The following POU6F2 variants were observed in gnomAD, a reference collection of about 807,000 sequenced individuals.
POU6F2 encodes the protein POU class 6 homeobox 2.
POU6F2 carries 31 observed loss-of-function variants against 71.3 expected under a neutral mutation model. That is an observed-to-expected ratio of 0.43 (90% CI 0.33 to 0.59). POU6F2 has a LOEUF of 0.59. Ranked by LOEUF, POU6F2 falls within the 20% of genes least tolerant of loss-of-function variation. POU6F2 has a pLI of 0.04. For missense variants in POU6F2, 783 were observed against 856.8 expected, an observed-to-expected ratio of 0.91 and a Z score of 1.07; for synonymous variants, 347 against 355.7, an observed-to-expected ratio of 0.98 and a Z score of 0.27.
At chr7:39,052,231 C>T (rs913750108) in intron 1 of POU6F2, among the ~76,000 whole-genome samples, 5 of 151,996 alleles carry the variant, frequency 3.3e-5, no homozygotes, top group South Asian at 2.1e-4. Context: ...GTAGATACTG[C>T]GACTGCAATA....
intron 1 of POU6F2, among the ~76,000 whole-genome samples, chr7:39,015,917 A>ATATATTGTATATTGATATATATTG (rs1789507874): frequency 2.2e-5 from 1 of 46,014 alleles, no homozygotes; most frequent in Non-Finnish European, 3.9e-5. Context: ...ATTATATATT[A>ATATATTGTATATTGATATATATTG]TATATAGATA....
At chr7:39,343,097 G>A (rs1785954436) in intron 5 of POU6F2, among the ~76,000 whole-genome samples, 1 of 152,198 alleles carries the variant, frequency 6.6e-6, no homozygotes, top group Non-Finnish European at 1.5e-5. Context: ...GGCTTGAGGA[G>A]AGAAGTTCTA....
chr7:39,298,834 G>T (rs1044548822), intron 4 of POU6F2, among the ~76,000 whole-genome samples: 1 of 152,164 alleles, frequency 6.6e-6, no homozygotes, highest in Non-Finnish European at 1.5e-5. Flanking sequence ...CATAAAAAAA[G>T]AATGAGATCA....
At chr7:39,121,182 T>G (rs981522515) in intron 2 of POU6F2, among the ~76,000 whole-genome samples, 1 of 152,328 alleles carries the variant, frequency 6.6e-6, no homozygotes, top group South Asian at 2.1e-4. Flanking sequence ...TTTTGACACA[T>G]GAATCTTAGT....
intron 4 of POU6F2, among the ~76,000 whole-genome samples, chr7:39,248,097 C>T (rs1198881303): frequency 2.0e-5 from 3 of 151,252 alleles, no homozygotes; most frequent in East Asian, 3.9e-4. Context: ...GTTCTCTTTT[C>T]CAGGAAAAAA....
At chr7:39,349,814 G>A (rs1404686152) in intron 5 of POU6F2, among the ~76,000 whole-genome samples, 1 of 152,112 alleles carries the variant, frequency 6.6e-6, no homozygotes, top group African/African-American at 2.4e-5. Context: ...GGGCATTCTG[G>A]CTGAAAACAC....
chr7:39,340,108 A>C (rs1785883438), intron 5 of POU6F2, 93 bp downstream of exon 5: 1 of 1,342,690 alleles, frequency 7.4e-7, no homozygotes, highest in Non-Finnish European at 1.0e-6. Flanking sequence ...ACCACACAAA[A>C]CTTAGCATCC....
At chr7:38,981,165 A>G (rs1788306102) in intron 1 of POU6F2, among the ~76,000 whole-genome samples, 1 of 152,220 alleles carries the variant, frequency 6.6e-6, no homozygotes, top group Non-Finnish European at 1.5e-5. Flanking sequence ...ATGATTTTCA[A>G]TTCAATTCAA....
chr7:39,204,554 C>T (rs1342603663), intron 3 of POU6F2, among the ~76,000 whole-genome samples: 1 of 128,968 alleles, frequency 7.8e-6, no homozygotes, highest in African/African-American at 2.9e-5. Context: ...TGGCTTTAAT[C>T]ATGTGGAAAC....
At chr7:39,304,612 A>C (rs577706373) in intron 4 of POU6F2, among the ~76,000 whole-genome samples, 6 of 152,358 alleles carry the variant, frequency 3.9e-5, no homozygotes, top group African/African-American at 1.2e-4. Flanking sequence ...TCGCTGGCAA[A>C]GTAAATGGAA....
At chr7:39,019,898 A>G (rs723969) in intron 1 of POU6F2, among the ~76,000 whole-genome samples, 25,231 of 152,148 alleles carry the variant, frequency 0.17, 2,513 homozygotes, top group Non-Finnish European at 0.23. Context: ...CAGAGAATCA[A>G]TGTATTCCTT....
intron 5 of POU6F2, among the ~76,000 whole-genome samples, chr7:39,390,280 C>CA (rs1199357970): frequency 6.6e-6 from 1 of 152,124 alleles, no homozygotes; most frequent in Non-Finnish European, 1.5e-5. Context: ...CCCATAGTCC[C>CA]AGCTACTTGG....
intron 1 of POU6F2, among the ~76,000 whole-genome samples, chr7:38,996,040 T>C (rs1249493006): frequency 1.0e-5 from 1 of 96,964 alleles, no homozygotes; most frequent in Non-Finnish European, 2.5e-5. Flanking sequence ...CTTGGCTTTT[T>C]TTTTTTTTTT....
intron 1 of POU6F2, among the ~76,000 whole-genome samples, chr7:39,007,475 GAA>G (rs1432068845): frequency 6.6e-6 from 1 of 152,150 alleles, no homozygotes; most frequent in Non-Finnish European, 1.5e-5. Flanking sequence ...ATGGGTCTAG[GAA>G]CAGAATTTAT....
At chr7:39,033,323 C>T (rs895300964) in intron 1 of POU6F2, among the ~76,000 whole-genome samples, 1 of 152,130 alleles carries the variant, frequency 6.6e-6, no homozygotes, top group Non-Finnish European at 1.5e-5. Flanking sequence ...AGGTTACAAG[C>T]GACTAATAAT....
At chr7:39,387,601 C>T (rs561308809) in intron 5 of POU6F2, among the ~76,000 whole-genome samples, 5 of 152,320 alleles carry the variant, frequency 3.3e-5, no homozygotes, top group East Asian at 1.9e-4. Context: ...CTCCACAATT[C>T]GGTGGCTCCT....
At chr7:39,256,284 GA>G (rs1784020528) in intron 4 of POU6F2, among the ~76,000 whole-genome samples, 1 of 152,154 alleles carries the variant, frequency 6.6e-6, no homozygotes, top group African/African-American at 2.4e-5. Flanking sequence ...AAGAAGGGTG[GA>G]ATCTGGTGGG....
chr7:39,294,008 C>T (rs1784808058), intron 4 of POU6F2, among the ~76,000 whole-genome samples: 1 of 152,002 alleles, frequency 6.6e-6, no homozygotes, highest in Non-Finnish European at 1.5e-5. Context: ...AAGTTAAACC[C>T]TTTTGGTATT....
chr7:39,207,293 G>A (rs770892368), intron 3 of POU6F2, 99 bp from the exon 4 acceptor site: 23 of 1,110,062 alleles, frequency 2.1e-5, no homozygotes, highest in Non-Finnish European at 2.8e-5. Context: ...GTACTTCTTC[G>A]GGAACTTTCT....
Sources: allele counts gnomAD v4.1 joint callset (sites outside exome capture counted in the v4.1 genomes callset), GRCh38; gene constraint gnomAD v4.1.1; transcripts MANE v1.5; gene names NCBI Gene and HGNC (gene_info 2026-07-23, HGNC 2026-07-21).